SGCD: variants seen among roughly 807,000 people sequenced by gnomAD.
SGCD encodes the protein sarcoglycan delta.
A neutral mutation model predicts 36.6 loss-of-function variants in SGCD; 18 were observed. The ratio of observed to expected loss-of-function variants is 0.49; its 90% CI spans 0.34 to 0.73. The LOEUF is 0.73. Among genes scored for constraint, SGCD ranks in the 30% least tolerant of loss-of-function variants. The pLI is 0.01. For synonymous variants in SGCD, 133 were observed against 130.6 expected (o/e 1.02, Z -0.12); for missense variants, 387 against 346.7 (o/e 1.12, Z -0.92).
chr5:156,462,274 G>T (rs1188583215), intron 3 of SGCD, among the ~76,000 whole-genome samples: 1 of 152,054 alleles, frequency 6.6e-6, no homozygotes, highest in African/African-American at 2.4e-5. Flanking sequence ...AAGGAACAAT[G>T]ATTTAAAATT....
At chr5:156,523,262 T>G (rs76487314) in intron 4 of SGCD, among the ~76,000 whole-genome samples, 2,679 of 152,264 alleles carry the variant, frequency 0.018, 31 homozygotes, top group Non-Finnish European at 0.029. Context: ...ATATGTTTAG[T>G]GTGACAAGTG....
intron 3 of SGCD, among the ~76,000 whole-genome samples, chr5:156,247,920 C>T (rs759977113): frequency 6.6e-6 from 1 of 152,212 alleles, no homozygotes; most frequent in Non-Finnish European, 1.5e-5. Context: ...AATAGTCACA[C>T]TAATGAAACT....
At chr5:156,005,288 T>C (rs946489272) in intron 1 of SGCD, among the ~76,000 whole-genome samples, 3 of 152,164 alleles carry the variant, frequency 2.0e-5, no homozygotes, top group Non-Finnish European at 2.9e-5. Flanking sequence ...TGATCTTGCT[T>C]TCCAGCTTGC....
In SGCD at chr5:156,276,993, T is replaced by C. The variant is rs139875512; in HGVS notation, c.-43-52541T>C. Among the ~76,000 whole-genome samples the C allele has an allele frequency of 2.4e-3, 368 of 152,334 alleles. 2 individuals are homozygous for C. Among genetic ancestry groups the C allele is most frequent in the African/African-American group, 7.4e-3 (308 of 41,580 alleles). On this transcript the variant is annotated intron_variant, in intron 3 of 9. Transcript: ENST00000517913. ...CAAATGTGTTACTGTGAAAGAACTTTCTAAAGTTTCACAATGGTGGGTTTT... is the reference window on the plus strand; with the variant it reads ...CAAATGTGTTACTGTGAAAGAACTTCCTAAAGTTTCACAATGGTGGGTTTT...
intron 4 of SGCD, among the ~76,000 whole-genome samples, chr5:156,556,395 C>G: frequency 6.6e-6 from 1 of 152,114 alleles, no homozygotes; most frequent in East Asian, 1.9e-4. Flanking sequence ...CAAATTGGGT[C>G]TGTCCTTTCT....
At chr5:155,802,669 C>T in the SGCD span, among the ~76,000 whole-genome samples, 1 of 152,142 alleles carries the variant, frequency 6.6e-6, no homozygotes, top group Non-Finnish European at 1.5e-5. Flanking sequence ...CACTTTAAAC[C>T]AAGGTTATTA....
At chr5:156,115,922 C>T (rs541830666) in intron 1 of SGCD, among the ~76,000 whole-genome samples, 9 of 152,208 alleles carry the variant, frequency 5.9e-5, no homozygotes, top group African/African-American at 2.2e-4. Flanking sequence ...TTTGATCACA[C>T]GTAGCTTCAC....
chr5:156,054,286 T>TC (rs1491030898), intron 1 of SGCD, among the ~76,000 whole-genome samples: 4 of 10,840 alleles, frequency 3.7e-4, no homozygotes, highest in Non-Finnish European at 7.6e-4. Flanking sequence ...CTTTCCTTCT[T>TC]TTTTTTTTTT....
intron 3 of SGCD, among the ~76,000 whole-genome samples, chr5:156,214,923 T>G (rs1366407554): frequency 6.6e-6 from 1 of 152,104 alleles, no homozygotes; most frequent in Admixed American, 6.5e-5. Context: ...GACCCTCATC[T>G]TACATCAGAT....
At chr5:155,745,339 G>A in the SGCD span, among the ~76,000 whole-genome samples, 1 of 152,018 alleles carries the variant, frequency 6.6e-6, no homozygotes, top group Non-Finnish European at 1.5e-5. Context: ...GTAATATTTT[G>A]GAGTAAAACA....
intron 1 of SGCD, among the ~76,000 whole-genome samples, chr5:155,944,629 A>G (rs56306021): frequency 6.6e-6 from 1 of 152,166 alleles, no homozygotes; most frequent in Admixed American, 6.5e-5. Context: ...ACAAATATGT[A>G]TTGAAGACAT....
At chr5:156,311,796 T>C (rs1468857579) in intron 3 of SGCD, among the ~76,000 whole-genome samples, 2 of 152,212 alleles carry the variant, frequency 1.3e-5, no homozygotes, top group African/African-American at 4.8e-5. Flanking sequence ...TTTTACTTAG[T>C]GGTGTGCTAG....
Position 156,499,142 on chromosome 5 carries a change from G to A in SGCD, c.193-9459G>A, listed in dbSNP as rs573753483. Among the ~76,000 whole-genome samples the A allele has an allele frequency of 3.3e-5, 5 of 152,268 alleles. No homozygotes were observed. The South Asian group carries it at 6.2e-4, about 19-fold the overall frequency. Reference sequence around the variant, plus strand: ...TTTTGGAGTTAGACTGCCAGGTTCTGTAAGCATTGGTTTTCTCTACTGTTA... The same window carrying A: ...TTTTGGAGTTAGACTGCCAGGTTCTATAAGCATTGGTTTTCTCTACTGTTA... On this transcript the variant is annotated intron_variant, in intron 3 of 8. Coordinates refer to ENST00000337851, the MANE Select transcript of SGCD (RefSeq NM_000337.6).
intron 2 of SGCD, among the ~76,000 whole-genome samples, chr5:156,341,062 C>A (rs1249743072): frequency 6.6e-6 from 1 of 152,118 alleles, no homozygotes; most frequent in Non-Finnish European, 1.5e-5. Context: ...TCATGGGACT[C>A]ATTAAAGAGG....
intron 1 of SGCD, among the ~76,000 whole-genome samples, chr5:155,954,152 T>G (rs1218283804): frequency 6.6e-6 from 1 of 152,208 alleles, no homozygotes; most frequent in Non-Finnish European, 1.5e-5. Context: ...AAAGACCTTC[T>G]GTACTGTTTT....
chr5:156,271,327 G>A (rs1766172862), intron 3 of SGCD, among the ~76,000 whole-genome samples: 1 of 151,968 alleles, frequency 6.6e-6, no homozygotes, highest in South Asian at 2.1e-4. Flanking sequence ...TATCTGGAGG[G>A]GTCCTGCAGT....
At chr5:156,403,864 T>C (rs2127764307) in intron 3 of SGCD, among the ~76,000 whole-genome samples, 1 of 151,352 alleles carries the variant, frequency 6.6e-6, no homozygotes, top group South Asian at 2.1e-4. Flanking sequence ...AGATGGAGGC[T>C]CACTATGTCA....
chr5:156,060,296 C>A (rs1468234477), intron 1 of SGCD, among the ~76,000 whole-genome samples: 1 of 146,038 alleles, frequency 6.8e-6, no homozygotes, highest in Non-Finnish European at 1.5e-5. Context: ...AATTATCAGA[C>A]AGTGAAGCAC....
chr5:156,117,024 T>G (rs1761921603), intron 1 of SGCD, among the ~76,000 whole-genome samples: 1 of 151,962 alleles, frequency 6.6e-6, no homozygotes, highest in Non-Finnish European at 1.5e-5. Context: ...CTTGCCACCA[T>G]AGAGTTAACA....
Sources: gnomAD v4.1 joint callset for allele counts (sites outside exome capture counted in the v4.1 genomes callset) on GRCh38, gnomAD v4.1.1 for gene constraint, MANE v1.5 for transcripts, NCBI Gene and HGNC (gene_info 2026-07-23, HGNC 2026-07-21) for gene names.